The following DCDC2 variants were observed in gnomAD, a reference collection of about 807,000 sequenced individuals.
The protein encoded by DCDC2 is doublecortin domain-containing protein 2.
Under a neutral mutation model 50.2 loss-of-function variants are expected in DCDC2, and 40 were observed. The ratio of observed to expected loss-of-function variants is 0.80; its 90% confidence interval spans 0.62 to 1.04. The LOEUF is 1.04. Ranked by LOEUF, DCDC2 falls within the 50% of genes least tolerant of loss-of-function variation. The pLI is 0.00. For synonymous variants in DCDC2, 234 were observed against 210.6 expected (o/e 1.11, Z -0.96); for missense variants, 570 against 581.9 (o/e 0.98, Z 0.21).
intron 7 of DCDC2, among the ~76,000 whole-genome samples, chr6:24,274,606 A>AAAAAAAAAAAAAAAAAAAAAG (rs1763310436): frequency 7.0e-4 from 3 of 4,314 alleles, no homozygotes; most frequent in Admixed American, 2.2e-3. Flanking sequence ...AAACAGAGTC[A>AAAAAAAAAAAAAAAAAAAAAG]AAAAAAAAAA....
chr6:24,369,434 C>G, the DCDC2 span, among the ~76,000 whole-genome samples: 7 of 151,858 alleles, frequency 4.6e-5, no homozygotes, highest in African/African-American at 1.7e-4. Context: ...CATGGTGATA[C>G]CCCGTCTTTA....
At chr6:24,287,839 T>C (rs1456460956) in intron 6 of DCDC2, among the ~76,000 whole-genome samples, 1 of 152,236 alleles carries the variant, frequency 6.6e-6, no homozygotes, top group Non-Finnish European at 1.5e-5. Flanking sequence ...CATTAGCTTG[T>C]TTGTTGCCTT....
intron 8 of DCDC2, among the ~76,000 whole-genome samples, chr6:24,184,311 G>A (rs959152929): frequency 3.9e-5 from 6 of 152,250 alleles, no homozygotes; most frequent in South Asian, 2.1e-4. Flanking sequence ...GGTGGCTCAC[G>A]CTTGTAATCC....
chr6:24,288,527 G>C (rs1763667481), intron 6 of DCDC2, among the ~76,000 whole-genome samples: 1 of 152,188 alleles, frequency 6.6e-6, no homozygotes, highest in Non-Finnish European at 1.5e-5. Context: ...GTTAAAGATA[G>C]AAACCAAGAC....
At chr6:24,338,272 T>A (rs1220029187) in intron 2 of DCDC2, among the ~76,000 whole-genome samples, 3 of 152,140 alleles carry the variant, frequency 2.0e-5, no homozygotes, top group Admixed American at 6.6e-5. Flanking sequence ...TGAGTTCCAG[T>A]TTTGTGCATC....
At position 24,323,397 on chromosome 6, in the gene DCDC2, T is replaced by C. The variant is rs999762441; in HGVS notation, c.349-21353A>G. Among the ~76,000 whole-genome samples the C allele has an allele frequency of 3.3e-5, 5 of 152,238 alleles. No individual in the cohort carries two copies. In the East Asian group the frequency reaches 9.7e-4, roughly 29 times the overall value. The stretch of plus-strand genomic sequence containing the variant: ...TCCTGGACCAGGAAAAAAATATCAG[T>C]GGGAAAACTGACAAAATTCTAGTAA... On this transcript the variant is annotated intron_variant, in intron 2 of 9. Coordinates refer to ENST00000378454, the MANE Select transcript of DCDC2 (RefSeq NM_016356.5).
At chr6:24,193,522 T>C (rs146122163) in intron 8 of DCDC2, among the ~76,000 whole-genome samples, 229 of 152,236 alleles carry the variant, frequency 1.5e-3, no homozygotes, top group Non-Finnish European at 2.8e-3. Context: ...AGTTTGGAGA[T>C]GGCTTAGTAA....
intron 2 of DCDC2, among the ~76,000 whole-genome samples, chr6:24,333,596 A>G (rs62400447): frequency 0.021 from 3,131 of 152,318 alleles, 37 homozygotes; most frequent in Non-Finnish European, 0.032. Context: ...CTGAAGATTC[A>G]TGAACTGAAG....
At chr6:24,362,467 A>G (rs143363800), upstream of DCDC2, among the ~76,000 whole-genome samples, 58 of 109,652 alleles carry the variant, frequency 5.3e-4, 2 homozygotes, top group Non-Finnish European at 6.8e-4. Flanking sequence ...TTAATTGTAT[A>G]TTTATACAAT....
chr6:24,256,691 C>A (rs2113802920), intron 7 of DCDC2, among the ~76,000 whole-genome samples: 1 of 152,242 alleles, frequency 6.6e-6, no homozygotes. Context: ...TAAAGTTATG[C>A]CCCATCATAT....
At chr6:24,215,567 A>G (rs1761955591) in intron 7 of DCDC2, among the ~76,000 whole-genome samples, 1 of 152,200 alleles carries the variant, frequency 6.6e-6, no homozygotes, top group Non-Finnish European at 1.5e-5. Flanking sequence ...ATATCATGGC[A>G]GAGTGAGACC....
At chr6:24,253,605 C>G (rs546989918) in intron 7 of DCDC2, among the ~76,000 whole-genome samples, 1 of 152,300 alleles carries the variant, frequency 6.6e-6, no homozygotes, top group Admixed American at 6.5e-5. Flanking sequence ...CAAACCTATA[C>G]AGCATGCTAC....
chr6:24,189,503 A>T (rs1761271005), intron 8 of DCDC2, among the ~76,000 whole-genome samples: 2 of 152,136 alleles, frequency 1.3e-5, no homozygotes, highest in African/African-American at 4.8e-5. Flanking sequence ...AAAATTAAAA[A>T]CGGGGAAAGC....
the DCDC2 span, among the ~76,000 whole-genome samples, chr6:24,380,427 T>C: frequency 6.6e-6 from 1 of 152,160 alleles, no homozygotes; most frequent in Admixed American, 6.5e-5. Context: ...TAAAGTGGAC[T>C]GAAGATGAAG....
chr6:24,358,943 A>T (rs182058891), upstream of DCDC2, among the ~76,000 whole-genome samples: 3,999 of 54,200 alleles, frequency 0.074, 401 homozygotes, highest in East Asian at 0.33. Flanking sequence ...TATTTTATAT[A>T]TTATATATTA....
At chr6:24,381,797 GGAAA>G in the DCDC2 span, among the ~76,000 whole-genome samples, 250 of 108,832 alleles carry the variant, frequency 2.3e-3, 1 homozygote, top group African/African-American at 6.4e-3. Flanking sequence ...AAGAAAGGAA[GGAAA>G]GAAAGGAAGG....
Position 24,256,021 on chromosome 6 carries a change from G to A in DCDC2, c.922+22028C>T, listed in dbSNP as rs376054551. ...ATCAACTGGGGACTGCACAAAGTAG[G>A]ATACAGTCATACATGGAATCCCATG... On this transcript the variant is annotated intron_variant, in intron 7 of 9. Transcript: ENST00000378454. Among the ~76,000 whole-genome samples, 9 of 152,200 alleles carry A rather than the reference G, an allele frequency of 5.9e-5. No homozygotes were observed. The East Asian group carries it at 1.7e-3, about 29-fold the overall frequency.
upstream of DCDC2, among the ~76,000 whole-genome samples, chr6:24,358,780 AAT>A (rs1203912774): frequency 1.2e-5 from 1 of 82,344 alleles, no homozygotes; most frequent in Non-Finnish European, 2.2e-5. Context: ...TTTTATATAT[AAT>A]ATATAAAATA....
chr6:24,320,640 A>T (rs1189042134), intron 2 of DCDC2, among the ~76,000 whole-genome samples: 1 of 152,166 alleles, frequency 6.6e-6, no homozygotes, highest in Non-Finnish European at 1.5e-5. Context: ...CTACAAACTC[A>T]GTGTTTAAAA....
Sources: allele counts gnomAD v4.1 joint callset (sites outside exome capture counted in the v4.1 genomes callset), GRCh38; gene constraint gnomAD v4.1.1; transcripts MANE v1.5; gene names NCBI Gene and HGNC (gene_info 2026-07-23, HGNC 2026-07-21).